The following LGSN variants were observed in gnomAD, a reference collection of about 807,000 sequenced individuals.
LGSN encodes lengsin.
In LGSN, 21 loss-of-function variants were observed where a neutral mutation model predicts 19.5. The ratio of observed to expected loss-of-function variants is 1.07; its 90% CI spans 0.76 to 1.55. The LOEUF (loss-of-function observed/expected upper bound fraction) is 1.55. Ranked by LOEUF, LGSN falls within the 40% of genes most tolerant of loss-of-function variation. LGSN has a pLI of 0.00. For missense variants in LGSN, 673 were observed against 608.5 expected, an observed-to-expected ratio of 1.11 and a Z score of -1.12; for synonymous variants, 257 against 215.6, an observed-to-expected ratio of 1.19 and a Z score of -1.68.
chr6:63,388,378 G>T, the LGSN span, among the ~76,000 whole-genome samples: 1 of 152,176 alleles, frequency 6.6e-6, no homozygotes, highest in Non-Finnish European at 1.5e-5. Flanking sequence ...AGATTCACAT[G>T]CTGAAGTTCT....
chr6:63,432,203 GAAAAGAAAAGAAAAGA>G, the LGSN span, among the ~76,000 whole-genome samples: 3 of 119,768 alleles, frequency 2.5e-5, no homozygotes, highest in Non-Finnish European at 4.8e-5. Flanking sequence ...GAAAAGAAAA[GAAAAGAAAAGAAAAGA>G]AAAGAAACAG....
chr6:63,571,807 C>T, the LGSN span: 6 of 152,216 alleles, frequency 3.9e-5, no homozygotes. Context: ...TCAAAAGATA[C>T]TCTCCCCATC....
chr6:63,550,219 A>G, the LGSN span: 3 of 152,184 alleles, frequency 2.0e-5, no homozygotes, highest in African/African-American at 7.2e-5. Flanking sequence ...AAAATGCTTC[A>G]TGAGCCCCTC....
At chr6:63,292,487 C>T (rs761215497) in intron 2 of LGSN, among the ~76,000 whole-genome samples, 4 of 152,100 alleles carry the variant, frequency 2.6e-5, no homozygotes, top group Non-Finnish European at 4.4e-5. Context: ...TTCTAGGCCA[C>T]GCCAGAAACT....
the LGSN span, among the ~76,000 whole-genome samples, chr6:63,412,526 GAAGGAAAGAAA>G: frequency 2.0e-3 from 158 of 77,566 alleles, no homozygotes; most frequent in Non-Finnish European, 2.3e-3. Context: ...AAGAAAGAAA[GAAGGAAAGAAA>G]GAAAGAAAGA....
At chr6:63,469,692 A>G in the LGSN span, among the ~76,000 whole-genome samples, 2 of 152,318 alleles carry the variant, frequency 1.3e-5, no homozygotes, top group African/African-American at 2.4e-5. Flanking sequence ...ATAAAACAAT[A>G]CTGAAAAAAA....
chr6:63,308,542 A>G (rs1379230468), intron 1 of LGSN, among the ~76,000 whole-genome samples: 1 of 152,106 alleles, frequency 6.6e-6, no homozygotes, highest in Non-Finnish European at 1.5e-5. Context: ...TGAGTTATTT[A>G]GGTTCTAAAT....
the LGSN span, among the ~76,000 whole-genome samples, chr6:63,394,161 G>A: frequency 1.3e-5 from 2 of 152,184 alleles, no homozygotes; most frequent in South Asian, 2.1e-4. Context: ...CTACTCAGGA[G>A]GCTGAGGCAA....
chr6:63,381,560 C>T, the LGSN span, among the ~76,000 whole-genome samples: 3 of 152,174 alleles, frequency 2.0e-5, no homozygotes, highest in Admixed American at 2.0e-4. Context: ...AGTAAGAAAG[C>T]CTTCTCAGTG....
chr6:63,552,230 T>G, the LGSN span, among the ~76,000 whole-genome samples: 1 of 152,236 alleles, frequency 6.6e-6, no homozygotes, highest in African/African-American at 2.4e-5. Flanking sequence ...GCATTCTAAC[T>G]GGTGTGAGAT....
At chr6:63,484,282 C>G in the LGSN span, among the ~76,000 whole-genome samples, 2 of 152,340 alleles carry the variant, frequency 1.3e-5, no homozygotes, top group African/African-American at 4.8e-5. Flanking sequence ...AAGGGCAGAT[C>G]ACCTGAGGTC....
chr6:63,515,586 C>A, the LGSN span, among the ~76,000 whole-genome samples: 1 of 152,148 alleles, frequency 6.6e-6, no homozygotes, highest in Non-Finnish European at 1.5e-5. Flanking sequence ...AAATTGTAAG[C>A]AACATAGCAA....
the LGSN span, among the ~76,000 whole-genome samples, chr6:63,552,454 G>A: frequency 3.3e-5 from 5 of 152,020 alleles, no homozygotes; most frequent in South Asian, 4.1e-4. Context: ...AGATGAGTAG[G>A]TTGCAAAAAT....
the LGSN span, among the ~76,000 whole-genome samples, chr6:63,520,146 A>G: frequency 4.6e-5 from 7 of 152,208 alleles, no homozygotes; most frequent in African/African-American, 1.4e-4. Context: ...TGTTGCATTG[A>G]TACTTTTCTC....
the LGSN span, among the ~76,000 whole-genome samples, chr6:63,416,901 C>A: frequency 6.9e-6 from 1 of 144,324 alleles, no homozygotes; most frequent in African/African-American, 2.6e-5. Context: ...TATATATACA[C>A]TTTAAAAGTG....
At chr6:63,566,631 C>A in the LGSN span, among the ~76,000 whole-genome samples, 1 of 152,212 alleles carries the variant, frequency 6.6e-6, no homozygotes, top group Admixed American at 6.5e-5. Context: ...AAGTCATAAT[C>A]TTTGCTGTTG....
At chr6:63,358,473 G>A in the LGSN span, among the ~76,000 whole-genome samples, 3 of 152,272 alleles carry the variant, frequency 2.0e-5, no homozygotes, top group Non-Finnish European at 4.4e-5. Flanking sequence ...AGCATGGAAT[G>A]TTCTTCCATT....
At chr6:63,323,866 G>T (rs1011933877), upstream of LGSN, among the ~76,000 whole-genome samples, 3 of 150,682 alleles carry the variant, frequency 2.0e-5, no homozygotes, top group African/African-American at 7.3e-5. Flanking sequence ...CCGCCTCCCG[G>T]GTTCAAGCAA....
the LGSN span, among the ~76,000 whole-genome samples, chr6:63,428,691 C>T: frequency 3.9e-5 from 6 of 152,158 alleles, no homozygotes; most frequent in African/African-American, 1.4e-4. Flanking sequence ...TCCAGCACAG[C>T]CTTCACAACA....
Sources: gnomAD v4.1 joint callset for allele counts (sites outside exome capture counted in the v4.1 genomes callset) on GRCh38, gnomAD v4.1.1 for gene constraint, MANE v1.5 for transcripts, NCBI Gene and HGNC (gene_info 2026-07-23, HGNC 2026-07-21) for gene names.